MYO3B: variants seen among roughly 807,000 people sequenced by gnomAD.
MYO3B encodes myosin-IIIb.
Under a neutral mutation model 174.6 loss-of-function variants are expected in MYO3B, and 156 were observed. That is an observed-to-expected ratio of 0.89 (90% CI 0.78 to 1.02). The LOEUF (loss-of-function observed/expected upper bound fraction) is 1.02, where lower values mean the gene tolerates loss of function less well. Ranked by LOEUF, MYO3B falls within the 50% of genes least tolerant of loss-of-function variation. The pLI, the probability that MYO3B is intolerant of heterozygous loss-of-function variation, is 0.00. For synonymous variants in MYO3B, 563 were observed against 569.1 expected (o/e 0.99, Z 0.15); for missense variants, 1,632 against 1,639.4 (o/e 1.00, Z 0.08).
intron 23 of MYO3B, among the ~76,000 whole-genome samples, chr2:170,451,650 A>G (rs11682779): frequency 0.31 from 47,580 of 152,124 alleles, 8,901 homozygotes; most frequent in Non-Finnish European, 0.42. Flanking sequence ...TTTACCCCCA[A>G]TTGTTCAGAG....
chr2:170,469,857 C>G (rs922379559), intron 25 of MYO3B, among the ~76,000 whole-genome samples: 11 of 152,020 alleles, frequency 7.2e-5, no homozygotes, highest in African/African-American at 2.4e-4. Context: ...AATCCCAGCA[C>G]TTTGGGAGGC....
rs1277252969 is a variant in MYO3B at position 170,649,127 on chromosome 2, T to G, written c.3734-2501T>G. On this transcript the variant is annotated intron_variant, in intron 32 of 34. Coordinates refer to ENST00000408978, the MANE Select transcript of MYO3B (RefSeq NM_138995.5). ...TATATATAAAATAATATATAATGTA[T>G]ATAAAATAATATATAATATATTATA... Among the ~76,000 whole-genome samples, 25 of 55,082 alleles carry G rather than the reference T, an allele frequency of 4.5e-4. 5 individuals are homozygous for G. Among genetic ancestry groups the G allele is most frequent in the African/African-American group, 2.1e-3 (25 of 11,640 alleles). The allele number at this position is 55,082 out of a possible 152,430, so 36.1% of individuals were successfully genotyped here.
chr2:170,240,375 T>C (rs1382485591), intron 7 of MYO3B, among the ~76,000 whole-genome samples: 1 of 152,152 alleles, frequency 6.6e-6, no homozygotes, highest in African/African-American at 2.4e-5. Flanking sequence ...TGTTCTGTGT[T>C]TTAGAAACAG....
rs567080377 is a variant in MYO3B, at chr2:170,275,347, C to T, written c.749+39211C>T. ...CATGTTTCTTTATTTCAAGACTTCC[C>T]GATGTCTTAGAATAGTCAGACATCA... is the stretch of plus-strand genomic sequence containing the variant. On this transcript the variant is annotated intron_variant, in intron 7 of 34. Transcript: ENST00000408978. 3.3e-5 allele frequency among the ~76,000 whole-genome samples: 5 copies of T among 152,248 alleles called. No homozygotes were observed. In the South Asian group the frequency reaches 8.3e-4, roughly 25 times the overall value.
intron 22 of MYO3B, among the ~76,000 whole-genome samples, chr2:170,424,348 G>A (rs2094643732): frequency 6.6e-6 from 1 of 152,210 alleles, no homozygotes; most frequent in African/African-American, 2.4e-5. Context: ...GCCAGGCACG[G>A]TGGCTCACGC....
chr2:170,494,395 T>C (rs1052561152), intron 25 of MYO3B, among the ~76,000 whole-genome samples: 1 of 149,768 alleles, frequency 6.7e-6, no homozygotes, highest in African/African-American at 2.6e-5. Context: ...TATGTCTTCA[T>C]AAAATTCTGC....
chr2:170,342,427 G>A (rs995657871), intron 8 of MYO3B: 3 of 152,168 alleles, frequency 2.0e-5, no homozygotes, highest in Non-Finnish European at 2.9e-5. Context: ...TCACACATTC[G>A]CCTCTCCCCA....
At chr2:170,199,793 C>T (rs986930468) in intron 2 of MYO3B, among the ~76,000 whole-genome samples, 15 of 152,122 alleles carry the variant, frequency 9.9e-5, no homozygotes, top group Non-Finnish European at 1.5e-5. Context: ...TTTTACATGT[C>T]CTATCCTGTG....
chr2:170,316,173 T>C (rs2093774084), intron 7 of MYO3B, among the ~76,000 whole-genome samples: 2 of 152,268 alleles, frequency 1.3e-5, no homozygotes, highest in East Asian at 1.9e-4. Flanking sequence ...CATATGCATA[T>C]AGACACATAT....
intron 4 of MYO3B, 75 bp downstream of exon 4, chr2:170,214,558 T>A: frequency 6.9e-7 from 1 of 1,456,630 alleles, no homozygotes; most frequent in Non-Finnish European, 9.6e-7. Context: ...TATTGCATAT[T>A]AACAATGGGG....
rs748494055 is a variant in MYO3B at position 170,391,500 on chromosome 2, A to G, written c.1578-20A>G. The G allele has an allele frequency of 3.2e-5, 39 of 1,230,944 alleles. 1 individual carries two copies. In the East Asian group the frequency reaches 9.1e-4, roughly 29 times the overall value. 76.3% of individuals were successfully genotyped at this position (1,230,944 alleles called of 1,614,324 possible). ...GGGGAAGCCAGAATATATTATTACTAAAGTCTCTTTTTTTTTCAGGAGAGA... is the reference window on the plus strand; with the variant it reads ...GGGGAAGCCAGAATATATTATTACTGAAGTCTCTTTTTTTTTCAGGAGAGA... On this transcript the variant is annotated intron_variant, in intron 14 of 34. Coordinates refer to ENST00000408978, the MANE Select transcript of MYO3B (RefSeq NM_138995.5).
intron 7 of MYO3B, among the ~76,000 whole-genome samples, chr2:170,248,637 T>C (rs967783737): frequency 2.6e-5 from 4 of 152,172 alleles, no homozygotes; most frequent in African/African-American, 9.7e-5. Flanking sequence ...CTCCCTTCTA[T>C]CTTAAAAGCC....
intron 22 of MYO3B, among the ~76,000 whole-genome samples, chr2:170,426,571 A>T (rs1048644415): frequency 9.2e-5 from 14 of 151,798 alleles, no homozygotes; most frequent in African/African-American, 3.4e-4. Flanking sequence ...ATCTGTCTCT[A>T]GGTGGCAAGG....
chr2:170,553,903 C>T (rs555766669), intron 32 of MYO3B, among the ~76,000 whole-genome samples: 9 of 152,274 alleles, frequency 5.9e-5, no homozygotes, highest in Non-Finnish European at 1.0e-4. Flanking sequence ...AAGTAAGCAG[C>T]ACTTCCCCCT....
Position 170,499,639 on chromosome 2 carries a change from G to C in MYO3B, c.3127-7G>C. On this transcript the variant is annotated splice_polypyrimidine_tract_variant and splice_region_variant and intron_variant, in intron 26 of 34. Coordinates refer to ENST00000408978, the MANE Select transcript of MYO3B (RefSeq NM_138995.5). ...TATGTAATGCTAAAACTACTGTCTC[G>C]TTTCAGGTTTTTCTCAAATATTACC... 1 of 1,613,692 alleles carries C rather than the reference G, an allele frequency of 6.2e-7. No individual in the cohort carries two copies. Among genetic ancestry groups the C allele is most frequent in the Non-Finnish European group, 8.5e-7 (1 of 1,179,772 alleles).
chr2:170,590,045 A>T (rs888077574), intron 32 of MYO3B, among the ~76,000 whole-genome samples: 1 of 152,218 alleles, frequency 6.6e-6, no homozygotes, highest in Non-Finnish European at 1.5e-5. Flanking sequence ...TAACCTAGGT[A>T]TGTAGTAGGC....
intron 32 of MYO3B, among the ~76,000 whole-genome samples, chr2:170,650,939 C>CCCAAAGTGCTGGGATTACAGACATGAG (rs527426740): frequency 6.6e-6 from 1 of 151,576 alleles, no homozygotes; most frequent in African/African-American, 2.4e-5. Context: ...GCCTCAGCCT[C>CCCAAAGTGCTGGGATTACAGACATGAG]CCACTGCGCC....
chr2:170,590,328 T>G (rs1693744069), intron 32 of MYO3B, among the ~76,000 whole-genome samples: 1 of 152,146 alleles, frequency 6.6e-6, no homozygotes, highest in African/African-American at 2.4e-5. Context: ...TATCTTAACT[T>G]TTCTCCTTAT....
At position 170,542,211 on chromosome 2, in the gene MYO3B, T is replaced by C. The variant is rs532593194; in HGVS notation, c.3576-695T>C. ...CTCTGCTGGTTCCATCTGAAAGGCA[T>C]TATGAGTGGCTCCTATTTTATCTGT... On this transcript the variant is annotated intron_variant, in intron 30 of 34. Transcript: ENST00000408978. 5.3e-5 allele frequency among the ~76,000 whole-genome samples: 8 copies of C among 152,312 alleles called. No individual in the cohort carries two copies. In the East Asian group the frequency reaches 1.2e-3, roughly 22 times the overall value.
Sources: gnomAD v4.1 joint callset for allele counts (sites outside exome capture counted in the v4.1 genomes callset) on GRCh38, gnomAD v4.1.1 for gene constraint, MANE v1.5 for transcripts, NCBI Gene and HGNC (gene_info 2026-07-23, HGNC 2026-07-21) for gene names.